Variants in STK32B observed in about 807,000 individuals in gnomAD.
STK32B encodes serine/threonine-protein kinase 32B.
Under a neutral mutation model 52.6 loss-of-function variants are expected in STK32B, and 43 were observed. The ratio of observed to expected loss-of-function variants is 0.82; its 90% confidence interval spans 0.64 to 1.05. STK32B has a LOEUF of 1.05. STK32B is among the 50% of genes least tolerant of loss of function. The probability of loss-of-function intolerance (pLI) is 0.00; values close to 1 mark genes in which losing one functional copy is unlikely to be tolerated. For missense variants in STK32B, 621 were observed against 534.6 expected, an observed-to-expected ratio of 1.16 and a Z score of -1.59; for synonymous variants, 238 against 204.3, an observed-to-expected ratio of 1.17 and a Z score of -1.41.
At chr4:5,314,069 AT>A (rs1486361833) in intron 3 of STK32B, among the ~76,000 whole-genome samples, 2 of 152,108 alleles carry the variant, frequency 1.3e-5, no homozygotes, top group African/African-American at 4.8e-5. Flanking sequence ...AGACAAACTT[AT>A]TTTAAAATTA....
chr4:5,389,831 T>G (rs1255266211), intron 4 of STK32B, among the ~76,000 whole-genome samples: 2 of 152,136 alleles, frequency 1.3e-5, no homozygotes, highest in African/African-American at 4.8e-5. Flanking sequence ...GATCAAGATG[T>G]GGGAAGAGTC....
At chr4:5,310,036 A>G (rs1341216401) in intron 3 of STK32B, among the ~76,000 whole-genome samples, 2 of 152,020 alleles carry the variant, frequency 1.3e-5, no homozygotes, top group Admixed American at 1.3e-4. Context: ...CGTGGTGGCA[A>G]GTTGCTGCAG....
chr4:5,068,408 A>T (rs1711550854), intron 1 of STK32B, among the ~76,000 whole-genome samples: 1 of 152,170 alleles, frequency 6.6e-6, no homozygotes, highest in Admixed American at 6.5e-5. Context: ...TTCACTTGGA[A>T]TAATGGCCCC....
intron 3 of STK32B, among the ~76,000 whole-genome samples, chr4:5,201,163 G>A (rs1722105400): frequency 6.6e-6 from 1 of 152,220 alleles, no homozygotes. Flanking sequence ...GTGAGTGAAT[G>A]AGAAGGAGAG....
intron 4 of STK32B, among the ~76,000 whole-genome samples, chr4:5,336,632 C>G (rs557644616): frequency 6.6e-6 from 1 of 151,950 alleles, no homozygotes; most frequent in Non-Finnish European, 1.5e-5. Context: ...TTAAAGAACT[C>G]AAAATATATG....
In STK32B at chr4:5,325,464, G is replaced by T. The variant is rs1731808838; in HGVS notation, c.261-5756G>T. ...ACAGGATCTTGAGGCATAAATTGGG[G>T]TATTTTTTCCTGATTCTGTTTTCTT... is the stretch of plus-strand genomic sequence containing the variant. On this transcript the variant is annotated intron_variant, in intron 3 of 11. Coordinates refer to ENST00000282908, the MANE Select transcript of STK32B (RefSeq NM_018401.3). 2.6e-5 allele frequency among the ~76,000 whole-genome samples: 4 copies of T among 152,014 alleles called. No individual in the cohort carries two copies. The South Asian group carries it at 8.3e-4, about 32-fold the overall frequency.
At chr4:5,162,997 A>G (rs1718564042) in intron 2 of STK32B, among the ~76,000 whole-genome samples, 1 of 152,192 alleles carries the variant, frequency 6.6e-6, no homozygotes, top group Non-Finnish European at 1.5e-5. Flanking sequence ...TACACTGTAC[A>G]CATGGAATCA....
intron 3 of STK32B, among the ~76,000 whole-genome samples, chr4:5,204,437 T>C (rs1252157178): frequency 6.6e-6 from 1 of 151,080 alleles, no homozygotes; most frequent in Non-Finnish European, 1.5e-5. Flanking sequence ...GTTTTTTTTG[T>C]TTGTTTTTGT....
At chr4:5,276,993 G>A (rs940926375) in intron 3 of STK32B, among the ~76,000 whole-genome samples, 4 of 152,172 alleles carry the variant, frequency 2.6e-5, no homozygotes, top group Non-Finnish European at 5.9e-5. Flanking sequence ...CACTGAAGAT[G>A]AACGCCAGAT....
At chr4:5,084,750 T>C (rs1252235975) in intron 1 of STK32B, among the ~76,000 whole-genome samples, 1 of 152,228 alleles carries the variant, frequency 6.6e-6, no homozygotes, top group Non-Finnish European at 1.5e-5. Context: ...TTAGTCCACT[T>C]AGTTTTTGTA....
intron 11 of STK32B, among the ~76,000 whole-genome samples, chr4:5,483,878 T>G (rs1423377351): frequency 6.6e-6 from 1 of 152,180 alleles, no homozygotes; most frequent in Non-Finnish European, 1.5e-5. Flanking sequence ...GTTGTTCAGT[T>G]TCTATGTAGC....
At chr4:5,381,685 T>G (rs1735944794) in intron 4 of STK32B, among the ~76,000 whole-genome samples, 1 of 152,224 alleles carries the variant, frequency 6.6e-6, no homozygotes, top group Non-Finnish European at 1.5e-5. Context: ...ACATTTCTTT[T>G]TCTGAAAGTG....
At chr4:5,136,788 A>G (rs552224172) in intron 1 of STK32B, among the ~76,000 whole-genome samples, 3 of 152,260 alleles carry the variant, frequency 2.0e-5, no homozygotes, top group East Asian at 3.9e-4. Context: ...CACTTATTCA[A>G]AGTGTCTTCT....
chr4:5,100,160 G>A (rs1359056243), intron 1 of STK32B, among the ~76,000 whole-genome samples: 1 of 152,174 alleles, frequency 6.6e-6, no homozygotes, highest in African/African-American at 2.4e-5. Flanking sequence ...TGCTCCTGAT[G>A]CTGCTGCAGA....
At position 5,486,728 on chromosome 4, in the gene STK32B, G is replaced by A. The variant is rs150467402; in HGVS notation, c.1107-12217G>A. Among the ~76,000 whole-genome samples, 4 of 152,310 alleles carry A rather than the reference G, an allele frequency of 2.6e-5. No homozygotes were observed. In the East Asian group the frequency reaches 7.7e-4, roughly 29 times the overall value. ...GTACACTGGAGCAGTTCCTATTTAG[G>A]GGACTGGAGCTGGCTCCACCCCCCT... On this transcript the variant is annotated intron_variant, in intron 11 of 11. Transcript: ENST00000282908.
chr4:5,157,190 C>CT (rs1415774943), intron 2 of STK32B, among the ~76,000 whole-genome samples: 3 of 150,880 alleles, frequency 2.0e-5, no homozygotes, highest in Non-Finnish European at 4.4e-5. Context: ...TACTGGGTCT[C>CT]TAAGATAATG....
At chr4:5,123,585 G>T (rs562280879) in intron 1 of STK32B, among the ~76,000 whole-genome samples, 1 of 152,000 alleles carries the variant, frequency 6.6e-6, no homozygotes, top group Non-Finnish European at 1.5e-5. Flanking sequence ...TTCTTCCAAG[G>T]CCTCTCTCCT....
At chr4:5,314,225 CAATGG>C (rs1730507587) in intron 3 of STK32B, among the ~76,000 whole-genome samples, 1 of 152,192 alleles carries the variant, frequency 6.6e-6, no homozygotes, top group South Asian at 2.1e-4. Flanking sequence ...ACACATAGAT[CAATGG>C]AACAGAATTT....
chr4:5,299,011 C>T (rs28594730), intron 3 of STK32B, among the ~76,000 whole-genome samples: 22,602 of 151,826 alleles, frequency 0.15, 2,019 homozygotes, highest in African/African-American at 0.25. Context: ...CTGTCGCTCA[C>T]GGCACAGTCC....
Sources: gnomAD v4.1 joint callset for allele counts (sites outside exome capture counted in the v4.1 genomes callset) on GRCh38, gnomAD v4.1.1 for gene constraint, MANE v1.5 for transcripts, NCBI Gene and HGNC (gene_info 2026-07-23, HGNC 2026-07-21) for gene names.